The following LRP1B variants were observed in gnomAD, a reference collection of about 807,000 sequenced individuals.
LRP1B encodes low-density lipoprotein receptor-related protein 1B.
A neutral mutation model predicts 556.6 loss-of-function variants in LRP1B; 217 were observed. The ratio of observed to expected loss-of-function variants is 0.39; its 90% CI spans 0.35 to 0.44. The LOEUF (loss-of-function observed/expected upper bound fraction) is 0.44, where lower values mean the gene tolerates loss of function less well. LRP1B is among the 20% of genes least tolerant of loss of function. LRP1B has a pLI of 1.00. For synonymous variants in LRP1B, 2,047 were observed against 1,865.8 expected (o/e 1.10, Z -2.50); for missense variants, 5,053 against 5,620.8 (o/e 0.90, Z 3.23).
intron 2 of LRP1B, among the ~76,000 whole-genome samples, chr2:141,560,182 C>T (rs1478591240): frequency 6.6e-6 from 1 of 151,674 alleles, no homozygotes; most frequent in African/African-American, 2.4e-5. Context: ...AAATTAGCTA[C>T]CTAACTATTC....
intron 7 of LRP1B, among the ~76,000 whole-genome samples, chr2:141,111,504 C>T (rs1574083753): frequency 6.6e-6 from 1 of 152,242 alleles, no homozygotes; most frequent in Admixed American, 6.5e-5. Context: ...AGAGAACCTC[C>T]CTCCTGTGTT....
chr2:141,095,069 C>T (rs1366009209), intron 7 of LRP1B, among the ~76,000 whole-genome samples: 1 of 152,012 alleles, frequency 6.6e-6, no homozygotes, highest in African/African-American at 2.4e-5. Flanking sequence ...AGAATTTAGC[C>T]CCCTTTTACA....
intron 82 of LRP1B, among the ~76,000 whole-genome samples, chr2:140,320,426 C>T (rs756385256): frequency 1.3e-5 from 2 of 152,048 alleles, no homozygotes; most frequent in Non-Finnish European, 2.9e-5. Flanking sequence ...AAAAATCATG[C>T]AGAGGTGGAG....
intron 3 of LRP1B, among the ~76,000 whole-genome samples, chr2:141,408,653 T>C (rs1690733668): frequency 6.7e-6 from 1 of 148,476 alleles, no homozygotes; most frequent in African/African-American, 2.5e-5. Flanking sequence ...TTTTTATTGA[T>C]AAATTTGTTC....
At chr2:141,386,704 A>G (rs912729540) in intron 3 of LRP1B, among the ~76,000 whole-genome samples, 1 of 152,082 alleles carries the variant, frequency 6.6e-6, no homozygotes, top group African/African-American at 2.4e-5. Context: ...GTGCTAAACA[A>G]CAAAGGCCCA....
Position 141,699,893 on chromosome 2 carries a change from T to C in LRP1B, c.205+110386A>G, listed in dbSNP as rs888220021. Among the ~76,000 whole-genome samples the C allele has an allele frequency of 2.0e-5, 3 of 149,050 alleles. No homozygotes were observed. The Admixed American group carries it at 2.0e-4, about 10-fold the overall frequency. ...GCATTACGAGATAGCCCAAATGAAA[T>C]ATATTCTTAGCCTCCAGGGCACATT... is the stretch of plus-strand genomic sequence containing the variant. On this transcript the variant is annotated intron_variant, in intron 2 of 90. Transcript: ENST00000389484.
Position 141,067,526 on chromosome 2 carries a change from G to T in LRP1B, c.1014-5253C>A, listed in dbSNP as rs141536133. 7.0e-3 allele frequency among the ~76,000 whole-genome samples: 1,060 copies of T among 152,068 alleles called. 13 individuals carry two copies. The highest frequency in any genetic ancestry group is 0.023 in the African/African-American group (938 of 41,496). ...TGTCGGCTGGCTATTCTATATTCTGGAAACATTCCCACTAGTGATTCCTCC... is the reference window on the plus strand; with the variant it reads ...TGTCGGCTGGCTATTCTATATTCTGTAAACATTCCCACTAGTGATTCCTCC... On this transcript the variant is annotated intron_variant, in intron 7 of 90. Coordinates refer to ENST00000389484, the MANE Select transcript of LRP1B (RefSeq NM_018557.3).
At chr2:141,025,973 A>C (rs902696955) in intron 11 of LRP1B, among the ~76,000 whole-genome samples, 1 of 152,100 alleles carries the variant, frequency 6.6e-6, no homozygotes, top group Admixed American at 6.6e-5. Context: ...TCATTGTACA[A>C]TATTCCACTA....
chr2:141,931,563 T>C (rs1700506242), intron 1 of LRP1B, among the ~76,000 whole-genome samples: 1 of 152,036 alleles, frequency 6.6e-6, no homozygotes, highest in Non-Finnish European at 1.5e-5. Context: ...AAGTTTTCTC[T>C]TTTGATTATT....
At chr2:141,312,972 C>T (rs1402436339) in intron 3 of LRP1B, among the ~76,000 whole-genome samples, 1 of 152,144 alleles carries the variant, frequency 6.6e-6, no homozygotes, top group Non-Finnish European at 1.5e-5. Context: ...TGAGCCACCA[C>T]ACCTGGACTG....
chr2:140,949,562 AT>A (rs1330314090), intron 20 of LRP1B, among the ~76,000 whole-genome samples: 3 of 134,904 alleles, frequency 2.2e-5, no homozygotes, highest in African/African-American at 8.2e-5. Context: ...TTGTATGGAA[AT>A]AAAAGTAAAA....
At chr2:142,014,682 G>A (rs1157132142) in intron 1 of LRP1B, among the ~76,000 whole-genome samples, 3 of 152,142 alleles carry the variant, frequency 2.0e-5, no homozygotes, top group Non-Finnish European at 4.4e-5. Flanking sequence ...AGTATTGGAA[G>A]CACGTACATT....
chr2:140,934,444 G>A (rs1300198691), intron 20 of LRP1B, among the ~76,000 whole-genome samples: 2 of 152,128 alleles, frequency 1.3e-5, no homozygotes, highest in Non-Finnish European at 2.9e-5. Flanking sequence ...GCACTAGCAG[G>A]ATCTTTCTAA....
chr2:141,324,594 C>T (rs16845778), intron 3 of LRP1B, among the ~76,000 whole-genome samples: 5,067 of 152,054 alleles, frequency 0.033, 305 homozygotes, highest in African/African-American at 0.12. Context: ...ATTGTTTGTG[C>T]TCCTCAATTA....
intron 31 of LRP1B, among the ~76,000 whole-genome samples, chr2:140,821,043 A>G (rs1222097196): frequency 1.3e-5 from 2 of 151,974 alleles, no homozygotes; most frequent in African/African-American, 4.8e-5. Context: ...TGTCTACTTA[A>G]CTGTATGATG....
intron 2 of LRP1B, among the ~76,000 whole-genome samples, chr2:141,662,431 G>C (rs1690256870): frequency 6.6e-6 from 1 of 152,088 alleles, no homozygotes; most frequent in African/African-American, 2.4e-5. Context: ...GTGTCCAAGA[G>C]ACCCAGCTCA....
chr2:141,446,780 C>G (rs553454010), intron 3 of LRP1B, among the ~76,000 whole-genome samples: 1 of 152,264 alleles, frequency 6.6e-6, no homozygotes, highest in Admixed American at 6.5e-5. Flanking sequence ...GAGAGAGACC[C>G]ACTCTTAGTC....
chr2:140,803,754 A>G (rs1320759463), intron 32 of LRP1B, among the ~76,000 whole-genome samples: 1 of 152,168 alleles, frequency 6.6e-6, no homozygotes, highest in African/African-American at 2.4e-5. Context: ...TACAAATTGT[A>G]GAAGTAAAGG....
chr2:140,931,133 G>A (rs899148174), intron 20 of LRP1B, among the ~76,000 whole-genome samples: 1 of 152,054 alleles, frequency 6.6e-6, no homozygotes, highest in Non-Finnish European at 1.5e-5. Flanking sequence ...ACTCCCTAGG[G>A]GATGCTGCCT....
Sources: allele counts gnomAD v4.1 joint callset (sites outside exome capture counted in the v4.1 genomes callset), GRCh38; gene constraint gnomAD v4.1.1; transcripts MANE v1.5; gene names NCBI Gene and HGNC (gene_info 2026-07-23, HGNC 2026-07-21).